Variants in ASIC2 observed in about 807,000 individuals in gnomAD.
The protein encoded by ASIC2 is acid sensing ion channel subunit 2, also known as acid-sensing ion channel 2.
In ASIC2, 25 loss-of-function variants were observed where a neutral mutation model predicts 57.3. The observed-to-expected ratio is 0.44, with a 90% confidence interval of 0.32 to 0.61. The LOEUF is 0.61. ASIC2 is among the 20% of genes least tolerant of loss of function. The pLI is 0.06. For synonymous variants in ASIC2, 319 were observed against 307.5 expected (o/e 1.04, Z -0.39); for missense variants, 641 against 738.1 (o/e 0.87, Z 1.52).
At chr17:34,059,338 G>A (rs1281756296) in intron 1 of ASIC2, among the ~76,000 whole-genome samples, 1 of 152,168 alleles carries the variant, frequency 6.6e-6, no homozygotes, top group Non-Finnish European at 1.5e-5. Context: ...GGAAGCAACA[G>A]AAAGACCCTG....
Position 33,639,512 on chromosome 17 carries a change from T to C in ASIC2, c.555+516466A>G, listed in dbSNP as rs1272298460. Among the ~76,000 whole-genome samples the C allele has an allele frequency of 2.0e-5, 3 of 152,278 alleles. No individual in the cohort carries two copies. The East Asian group carries it at 5.8e-4, about 30-fold the overall frequency. The stretch of plus-strand genomic sequence containing the variant: ...TCAAAGGTTCCCACTCTGGGGTCCC[T>C]GGGAGCCTGCTTCTTAGTGACCATG... On this transcript the variant is annotated intron_variant, in intron 1 of 9. Transcript: ENST00000359872.
intron 1 of ASIC2, among the ~76,000 whole-genome samples, chr17:33,615,620 C>T (rs1456673675): frequency 6.6e-6 from 1 of 152,112 alleles, no homozygotes; most frequent in African/African-American, 2.4e-5. Flanking sequence ...TTAATTTTAA[C>T]TTCTGGGGTT....
chr17:34,080,503 C>T (rs1342830745), intron 1 of ASIC2, among the ~76,000 whole-genome samples: 1 of 152,206 alleles, frequency 6.6e-6, no homozygotes, highest in African/African-American at 2.4e-5. Context: ...AACTGGATGA[C>T]CTTAAACCAA....
intron 1 of ASIC2, among the ~76,000 whole-genome samples, chr17:33,898,623 A>C (rs1915162698): frequency 6.6e-6 from 1 of 152,060 alleles, no homozygotes; most frequent in South Asian, 2.1e-4. Flanking sequence ...TAAACTATTG[A>C]TCTCATTAGA....
At chr17:34,025,003 T>A (rs1907320511) in intron 1 of ASIC2, among the ~76,000 whole-genome samples, 1 of 152,238 alleles carries the variant, frequency 6.6e-6, no homozygotes, top group Admixed American at 6.5e-5. Flanking sequence ...CTGGCCAACA[T>A]GGGGCCTCTT....
In ASIC2 at chr17:33,432,731, A is replaced by T. The variant is rs760538424; in HGVS notation, c.556-320664T>A. Reference sequence around the variant, plus strand: ...GTTAAGTTTTGGGGAGTCCATTAAAAAGTGGGCAAAGGACATGAACAGACA... The same window carrying T: ...GTTAAGTTTTGGGGAGTCCATTAAATAGTGGGCAAAGGACATGAACAGACA... On this transcript the variant is annotated intron_variant, in intron 1 of 9. Coordinates refer to the ASIC2 transcript ENST00000359872. Among the ~76,000 whole-genome samples the T allele has an allele frequency of 1.1e-4, 16 of 152,192 alleles. 1 individual carries two copies. The East Asian group carries it at 1.3e-3, about 13-fold the overall frequency.
intron 1 of ASIC2, among the ~76,000 whole-genome samples, chr17:33,722,654 T>C (rs1052234440): frequency 3.3e-5 from 5 of 151,626 alleles, no homozygotes; most frequent in Non-Finnish European, 7.4e-5. Flanking sequence ...ACATAGATAC[T>C]TGGGAGGCTG....
At chr17:33,801,260 C>T (rs545167446) in intron 1 of ASIC2, among the ~76,000 whole-genome samples, 23 of 152,254 alleles carry the variant, frequency 1.5e-4, no homozygotes, top group African/African-American at 4.8e-4. Flanking sequence ...AGGAAGAAGT[C>T]GCCATCAAGT....
At chr17:33,236,166 A>G (rs35983582) in intron 1 of ASIC2, among the ~76,000 whole-genome samples, 25,444 of 151,878 alleles carry the variant, frequency 0.17, 2,718 homozygotes, top group Non-Finnish European at 0.23. Flanking sequence ...GGGTGCTAGA[A>G]TGGGTTAAGA....
In ASIC2 at chr17:33,013,797, G is replaced by A. The variant is rs1193451052; in HGVS notation, c.*168C>T. The A allele has an allele frequency of 3.1e-6, 2 of 646,358 alleles. No individual in the cohort carries two copies. The highest frequency in any genetic ancestry group is 2.7e-5 in the East Asian group (1 of 36,732). The allele number at this position is 646,358 out of a possible 1,614,324, so 40.0% of individuals were successfully genotyped here. A position where few individuals can be genotyped will look rare whatever the true frequency, so the allele number is the denominator to read the frequency against. On this transcript the variant is annotated 3_prime_UTR_variant, in exon 10 of 10. Transcript: ENST00000225823. ...ACGGCGGGGCCCAAGGATGCGTCGT[G>A]TTGGACGTGGCCGGAGCGAGGTCTA...
chr17:33,242,313 C>CA (rs34667054), intron 1 of ASIC2, among the ~76,000 whole-genome samples: 2,019 of 110,820 alleles, frequency 0.018, 36 homozygotes, highest in African/African-American at 0.06. Context: ...GAGACTCCGT[C>CA]AAAAAAAAAA....
rs200690281 is a variant in ASIC2, at chr17:33,017,679, T to C, written c.1447A>G (p.Ile483Val). ...AYEVAALLGD[I>V]GGQMGLFIGA... ...ATGAACAATCCCATCTGACCACCAA[T>C]ATCACCTGGAGAGAGAGGGAAAAGA... is the stretch of plus-strand genomic sequence containing the variant. The change falls in exon 8 of 10, where the codon ATT becomes GTT. Residue 483 changes from isoleucine (I) to valine (V), a missense_variant. Ile to Val is a conservative substitution (Grantham distance 29, BLOSUM62 3). Coordinates refer to ENST00000225823, the MANE Select transcript of ASIC2 (RefSeq NM_183377.2). 1.9e-6 allele frequency: 3 copies of C among 1,612,992 alleles called. No individual in the cohort carries two copies. Among genetic ancestry groups the C allele is most frequent in the East Asian group, 2.2e-5 (1 of 44,876 alleles).
chr17:33,923,574 C>A (rs1418198968), intron 1 of ASIC2, among the ~76,000 whole-genome samples: 1 of 152,120 alleles, frequency 6.6e-6, no homozygotes, highest in Non-Finnish European at 1.5e-5. Context: ...TGTGGCTGGA[C>A]CTTACAATTA....
rs184422087 is a variant in ASIC2, at chr17:33,310,510, C to T, written c.556-198443G>A. 7.4e-4 allele frequency among the ~76,000 whole-genome samples: 113 copies of T among 152,244 alleles called. 2 individuals are homozygous for T. The highest frequency in any genetic ancestry group is 8.3e-4 in the South Asian group (4 of 4,822). ...AATTCAGGAGATGAATGTGCATTGACGAGGACAAAGGTTAGGGACTGTGGT... is the reference window on the plus strand; with the variant it reads ...AATTCAGGAGATGAATGTGCATTGATGAGGACAAAGGTTAGGGACTGTGGT... On this transcript the variant is annotated intron_variant, in intron 1 of 9. Coordinates refer to the ASIC2 transcript ENST00000359872.
intron 1 of ASIC2, among the ~76,000 whole-genome samples, chr17:33,631,670 A>G (rs1464376519): frequency 6.6e-6 from 1 of 152,174 alleles, no homozygotes; most frequent in Non-Finnish European, 1.5e-5. Context: ...TGGGGGTGGT[A>G]TAGCATCCAT....
chr17:34,038,152 A>T (rs1453041360), intron 1 of ASIC2: 1 of 1,612,744 alleles, frequency 6.2e-7, no homozygotes, highest in African/African-American at 1.3e-5. Flanking sequence ...AAAGAATATT[A>T]CCTGGTTTGA....
intron 1 of ASIC2, among the ~76,000 whole-genome samples, chr17:33,198,393 C>T (rs1464908187): frequency 6.6e-6 from 1 of 152,190 alleles, no homozygotes; most frequent in Non-Finnish European, 1.5e-5. Flanking sequence ...AAAATTGTTG[C>T]ATGGGTCAAT....
chr17:33,128,502 A>G (rs1182664019), intron 1 of ASIC2, among the ~76,000 whole-genome samples: 1 of 152,184 alleles, frequency 6.6e-6, no homozygotes, highest in East Asian at 1.9e-4. Context: ...CTTGGGCTCC[A>G]CACCCACCGA....
At chr17:33,127,491 G>T (rs2092328543) in intron 1 of ASIC2, among the ~76,000 whole-genome samples, 1 of 152,162 alleles carries the variant, frequency 6.6e-6, no homozygotes. Context: ...GCAGAGGGAC[G>T]CCTTGAGACT....
Sources: allele counts gnomAD v4.1 joint callset (sites outside exome capture counted in the v4.1 genomes callset), GRCh38; gene constraint gnomAD v4.1.1; transcripts MANE v1.5; gene names NCBI Gene and HGNC (gene_info 2026-07-23, HGNC 2026-07-21).